LAMC3: variants seen among roughly 807,000 people sequenced by gnomAD.
LAMC3 encodes laminin subunit gamma 3, also known as laminin subunit gamma-3.
A neutral mutation model predicts 173.8 loss-of-function variants in LAMC3; 128 were observed. The observed-to-expected ratio is 0.74, with a 90% CI of 0.64 to 0.85. The LOEUF is 0.85. LAMC3 is among the 40% of genes least tolerant of loss of function. LAMC3 has a pLI of 0.00. For synonymous variants in LAMC3, 897 were observed against 909.1 expected, an observed-to-expected ratio of 0.99 and a Z score of 0.24; for missense variants, 2,022 against 2,156.0, an observed-to-expected ratio of 0.94 and a Z score of 1.23.
rs145337606 is a variant in LAMC3, at chr9:131,091,763, C to G, written c.4704C>G (p.Pro1568=). 6.2e-7 allele frequency: 1 copy of G among 1,612,958 alleles called. No individual in the cohort carries two copies. Among genetic ancestry groups the G allele is most frequent in the East Asian group, 2.2e-5 (1 of 44,888 alleles). ...QNLEAILHSL[P]ENCASWQ Reference sequence around the variant, plus strand: ...TGGAGGCCATTCTGCACAGCCTGCCCGAGAACTGTGCCAGCTGGCAGTGAG... The same window carrying G: ...TGGAGGCCATTCTGCACAGCCTGCCGGAGAACTGTGCCAGCTGGCAGTGAG... Residue 1568 remains proline (P), a synonymous_variant, in exon 28 of 28, where the codon CCC becomes CCG. Transcript: ENST00000361069.
chr9:131,028,673 C>T (rs548784407), intron 2 of LAMC3, among the ~76,000 whole-genome samples: 19 of 152,290 alleles, frequency 1.2e-4, no homozygotes, highest in Non-Finnish European at 2.2e-4. Flanking sequence ...AGTGGAGAGG[C>T]GCCCGGCCAG....
intron 7 of LAMC3, among the ~76,000 whole-genome samples, chr9:131,042,702 C>T (rs990669774): frequency 6.6e-6 from 1 of 151,942 alleles, no homozygotes; most frequent in African/African-American, 2.4e-5. Flanking sequence ...TCAAACTTTC[C>T]CTTTCATAGC....
chr9:131,038,346 T>C (rs1282693210), intron 4 of LAMC3, among the ~76,000 whole-genome samples: 1 of 152,336 alleles, frequency 6.6e-6, no homozygotes, highest in Admixed American at 6.5e-5. Context: ...GCACCTTTCA[T>C]GGATCCACCC....
chr9:131,009,650 G>A lies in LAMC3; in HGVS notation c.373+63G>A. 2.0e-6 allele frequency: 3 copies of A among 1,534,718 alleles called. No individual in the cohort carries two copies. The highest frequency in any genetic ancestry group is 2.6e-6 in the Non-Finnish European group (3 of 1,141,144). ...GTCCCCACTCCACTGGGGGTCTGAG[G>A]CTGAGGCCTGAGCTGCTGTGCGCCC... is the stretch of plus-strand genomic sequence containing the variant. On this transcript the variant is annotated intron_variant, in intron 1 of 27. Coordinates refer to ENST00000361069, the MANE Select transcript of LAMC3 (RefSeq NM_006059.4). The surrounding 1 kb of genome is among the most constrained non-coding windows in gnomAD (Gnocchi z 4.3).
chr9:131,027,594 TTTA>T (rs1310350931), intron 2 of LAMC3, among the ~76,000 whole-genome samples: 1 of 151,662 alleles, frequency 6.6e-6, no homozygotes, highest in Non-Finnish European at 1.5e-5. Flanking sequence ...GATTTCATAT[TTTA>T]TTATTAATAT....
intron 27 of LAMC3, among the ~76,000 whole-genome samples, chr9:131,089,570 C>CA (rs1182758720): frequency 7.7e-6 from 1 of 130,262 alleles, no homozygotes. Context: ...TTTTTGGAGA[C>CA]AAAAAAATAT....
At chr9:131,068,461 G>A (rs1329693888) in intron 15 of LAMC3, among the ~76,000 whole-genome samples, 4 of 152,326 alleles carry the variant, frequency 2.6e-5, no homozygotes, top group African/African-American at 9.6e-5. Context: ...GTCCAGGCAG[G>A]CAGGTGGCCG....
chr9:131,065,513 T>C (rs1450202608), intron 13 of LAMC3, among the ~76,000 whole-genome samples: 3 of 152,060 alleles, frequency 2.0e-5, no homozygotes, highest in Non-Finnish European at 4.4e-5. Flanking sequence ...ATGAATGACA[T>C]TGGATGGTGA....
chr9:131,044,637 G>A (rs746291430), intron 7 of LAMC3, among the ~76,000 whole-genome samples: 3 of 152,208 alleles, frequency 2.0e-5, no homozygotes, highest in East Asian at 1.9e-4. Flanking sequence ...AGTCAGCATC[G>A]CTTGGATGTC....
chr9:131,022,076 CAGAAAGGTGGGGGAACTTT>C (rs1173539833), intron 1 of LAMC3, among the ~76,000 whole-genome samples: 1 of 152,076 alleles, frequency 6.6e-6, no homozygotes, highest in African/African-American at 2.4e-5. Flanking sequence ...GACCCACGGT[CAGAAAGGTGGGGGAACTTT>C]AGAGTGAAAG....
Position 131,009,672 on chromosome 9 carries a change from G to A in LAMC3, c.373+85G>A, listed in dbSNP as rs879433012. 5.4e-5 allele frequency: 81 copies of A among 1,495,384 alleles called. No individual in the cohort carries two copies. Among genetic ancestry groups the A allele is most frequent in the Non-Finnish European group, 7.0e-5 (78 of 1,111,452 alleles). 92.6% of individuals were successfully genotyped at this position (1,495,384 alleles called of 1,614,324 possible). A position where few individuals can be genotyped will look rare whatever the true frequency, so the allele number is the denominator to read the frequency against. On this transcript the variant is annotated intron_variant, in intron 1 of 27. Transcript: ENST00000361069. This position sits in a 1 kb window ranked among gnomAD's most constrained non-coding sequence, Gnocchi z 4.3. ...GAGGCTGAGGCCTGAGCTGCTGTGC[G>A]CCCAGGTTGGGCTGCAGGACCCAGA... is the stretch of plus-strand genomic sequence containing the variant.
chr9:131,009,380 A>C lies in LAMC3; in HGVS notation c.166A>C (p.Ser56Arg), dbSNP rs1833362779. The C allele has an allele frequency of 6.5e-7, 1 of 1,527,256 alleles. No individual in the cohort carries two copies. The highest frequency in any genetic ancestry group is 2.0e-5 in the Admixed American group (1 of 49,984). 94.6% of individuals were successfully genotyped at this position (1,527,256 alleles called of 1,614,324 possible). The change falls in exon 1 of 28, where the codon AGC (serine) becomes CGC (arginine). Residue 56 changes from serine to arginine, a missense_variant. Coordinates refer to ENST00000361069, the MANE Select transcript of LAMC3 (RefSeq NM_006059.4). This position sits in a 1 kb window ranked among gnomAD's most constrained non-coding sequence, Gnocchi z 4.3. ...CGCCCAGGCCTCGCACACGTGCGGC[A>C]GCCCGCCCGAGGACTTCTGTCCCCA... ...RLAQASHTCG[S>R]PPEDFCPHVG...
chr9:131,041,851 G>A (rs1030597074), intron 7 of LAMC3, 116 bp downstream of exon 7: 1 of 872,426 alleles, frequency 1.1e-6, no homozygotes, highest in Non-Finnish European at 1.9e-6. Flanking sequence ...ATGGACTTGG[G>A]TGACCTTGTC....
chr9:131,072,568 G>A (rs1830052771), intron 18 of LAMC3, 62 bp from the exon 19 acceptor site: 3 of 1,427,284 alleles, frequency 2.1e-6, no homozygotes, highest in South Asian at 2.4e-5. Context: ...ACCCCTGGGG[G>A]TGGGGGCTTT....
chr9:131,014,311 C>T (rs1293146284), intron 1 of LAMC3, among the ~76,000 whole-genome samples: 12 of 152,250 alleles, frequency 7.9e-5, no homozygotes, highest in Non-Finnish European at 2.9e-5. Flanking sequence ...CACTTCTCCT[C>T]CCACCTTCAG....
intron 1 of LAMC3, among the ~76,000 whole-genome samples, chr9:131,025,122 C>T (rs149637076): frequency 6.6e-6 from 1 of 152,232 alleles, no homozygotes; most frequent in Non-Finnish European, 1.5e-5. Context: ...CCAGCTCGAA[C>T]TGTGGAAGGC....
At chr9:131,085,411 C>A in intron 24 of LAMC3, 113 bp from the exon 25 acceptor site, 1 of 1,039,098 alleles carries the variant, frequency 9.6e-7, no homozygotes, top group Non-Finnish European at 1.5e-6. Flanking sequence ...CTTCAGACCT[C>A]CACTCGTTGT....
At chr9:131,055,633 G>C (rs914069281) in intron 11 of LAMC3, among the ~76,000 whole-genome samples, 19 of 151,004 alleles carry the variant, frequency 1.3e-4, no homozygotes, top group Admixed American at 6.6e-5. Context: ...CACCGTGTTA[G>C]CCAGGATGGT....
chr9:131,072,900 C>T, intron 19 of LAMC3, 65 bp downstream of exon 19: 1 of 1,462,222 alleles, frequency 6.8e-7, no homozygotes, highest in Non-Finnish European at 9.4e-7. Flanking sequence ...CCCCAGCCCT[C>T]CCATTGACCT....
Sources: gnomAD v4.1 joint callset for allele counts (sites outside exome capture counted in the v4.1 genomes callset) on GRCh38, gnomAD v4.1.1 for gene constraint, Gnocchi (gnomAD v3.1) non-coding constraint, MANE v1.5 for transcripts, NCBI Gene and HGNC (gene_info 2026-07-23, HGNC 2026-07-21) for gene names.